Variants in CSMD2 observed in about 807,000 individuals in gnomAD.
CSMD2 encodes the protein CUB and sushi domain-containing protein 2.
In CSMD2, 130 loss-of-function variants were observed where a neutral mutation model predicts 398.5. That is an observed-to-expected ratio of 0.33 (90% CI 0.28 to 0.38). The LOEUF (loss-of-function observed/expected upper bound fraction) is 0.38. Ranked by LOEUF, CSMD2 falls within the 10% of genes least tolerant of loss-of-function variation. The pLI, the probability that CSMD2 is intolerant of heterozygous loss-of-function variation, is 1.00. For synonymous variants in CSMD2, 1,828 were observed against 1,908.5 expected (o/e 0.96, Z 1.10); for missense variants, 3,829 against 4,764.9 (o/e 0.80, Z 5.78).
chr1:33,550,407 A>C, intron 55 of CSMD2, 57 bp from the exon 56 acceptor site: 1 of 1,546,354 alleles, frequency 6.5e-7, no homozygotes, highest in Non-Finnish European at 8.9e-7. Context: ...TCACCATCAC[A>C]CAATCCATGC....
At chr1:34,032,483 A>G in intron 3 of CSMD2, 111 bp downstream of exon 3, 1 of 654,024 alleles carries the variant, frequency 1.5e-6, no homozygotes, top group Non-Finnish European at 2.5e-6. Flanking sequence ...GGACAGGCGC[A>G]AGCTCTGGGT....
intron 3 of CSMD2, among the ~76,000 whole-genome samples, chr1:33,939,037 G>A (rs951655215): frequency 3.3e-5 from 5 of 151,552 alleles, no homozygotes; most frequent in African/African-American, 1.2e-4. Context: ...GGTTTACTTG[G>A]CATTTCCCAT....
At chr1:34,084,533 G>GA (rs1160585099) in intron 2 of CSMD2, among the ~76,000 whole-genome samples, 3 of 151,926 alleles carry the variant, frequency 2.0e-5, no homozygotes, top group Non-Finnish European at 4.4e-5. Flanking sequence ...AAATTGACAA[G>GA]AAAAAAACAA....
At chr1:33,798,538 C>T (rs1655221520) in intron 10 of CSMD2, among the ~76,000 whole-genome samples, 1 of 152,188 alleles carries the variant, frequency 6.6e-6, no homozygotes, top group African/African-American at 2.4e-5. Context: ...GCCCAGGCTA[C>T]ACTGTGAGAA....
chr1:34,081,568 GC>G (rs1657137262), intron 2 of CSMD2, among the ~76,000 whole-genome samples: 1 of 152,096 alleles, frequency 6.6e-6, no homozygotes, highest in African/African-American at 2.4e-5. Context: ...GCAGGCGCGC[GC>G]CGCCACGCCT....
rs933047657 is a variant in CSMD2 at position 33,533,326 on chromosome 1, C to T, written c.9992-97G>A. 3.8e-5 allele frequency: 42 copies of T among 1,103,136 alleles called. No individual in the cohort carries two copies. In the Admixed American group the frequency reaches 9.8e-4, roughly 26 times the overall value. 68.3% of individuals were successfully genotyped at this position (1,103,136 alleles called of 1,614,324 possible). On this transcript the variant is annotated intron_variant, in intron 63 of 70. Coordinates refer to ENST00000373381, the MANE Select transcript of CSMD2 (RefSeq NM_001281956.2). This position sits in a 1 kb window ranked among gnomAD's most constrained non-coding sequence, Gnocchi z 4.2. ...TGTTCCTAGATAGAATATCCTCTTC[C>T]TTTCCCTTCCAGTCCCTTTCATGCC...
chr1:34,141,404 A>G (rs529642341), intron 1 of CSMD2, among the ~76,000 whole-genome samples: 115 of 152,248 alleles, frequency 7.6e-4, no homozygotes, highest in African/African-American at 2.6e-3. Flanking sequence ...GGGTGGTTCT[A>G]AGAACTATGA....
At chr1:33,726,426 C>T (rs1646531979) in intron 16 of CSMD2, 121 bp downstream of exon 16, 1 of 1,232,002 alleles carries the variant, frequency 8.1e-7, no homozygotes. Flanking sequence ...GTCCAGTGTT[C>T]TCCAACCTTG....
At chr1:33,644,056 C>A (rs959418114) in intron 29 of CSMD2, among the ~76,000 whole-genome samples, 1 of 152,144 alleles carries the variant, frequency 6.6e-6, no homozygotes, top group African/African-American at 2.4e-5. Context: ...ATGGGGGATA[C>A]GTCTGTAGGA....
intron 2 of CSMD2, among the ~76,000 whole-genome samples, chr1:34,051,575 A>G (rs1432948841): frequency 6.6e-6 from 1 of 152,090 alleles, no homozygotes; most frequent in African/African-American, 2.4e-5. Context: ...TAATAACTTT[A>G]TGTTATGGTA....
intron 12 of CSMD2, among the ~76,000 whole-genome samples, chr1:33,780,594 G>A (rs186594379): frequency 3.0e-4 from 46 of 152,312 alleles, no homozygotes; most frequent in Non-Finnish European, 4.3e-4. Flanking sequence ...AAAGCTTACC[G>A]TTTGCAAAAG....
intron 1 of CSMD2, among the ~76,000 whole-genome samples, chr1:34,128,761 G>A (rs1340701179): frequency 6.6e-6 from 1 of 152,190 alleles, no homozygotes; most frequent in East Asian, 1.9e-4. Context: ...CACAGAGCCT[G>A]AAGTGTAGTC....
intron 1 of CSMD2, among the ~76,000 whole-genome samples, chr1:34,147,333 T>G (rs1571264813): frequency 6.6e-6 from 1 of 151,976 alleles, no homozygotes; most frequent in Non-Finnish European, 1.5e-5. Context: ...GAAGCTCCAA[T>G]ATTAAAGCAA....
chr1:33,537,365 T>A lies in CSMD2; in HGVS notation c.9805+71A>T. 6.7e-7 allele frequency: 1 copy of A among 1,482,182 alleles called. No homozygotes were observed. The highest frequency in any genetic ancestry group is 1.4e-5 in the African/African-American group (1 of 71,406). The allele number at this position is 1,482,182 out of a possible 1,614,324, so 91.8% of individuals were successfully genotyped here. ...CACTGAAGACAGGGAAGGAAAGTAA[T>A]CATCTCAGGCCCAAAAGAAGGTCTC... is the stretch of plus-strand genomic sequence containing the variant. On this transcript the variant is annotated intron_variant, in intron 61 of 70. Transcript: ENST00000373381. The surrounding 1 kb of genome is among the most constrained non-coding windows in gnomAD (Gnocchi z 4.6).
At chr1:33,892,575 G>A (rs991184480) in intron 5 of CSMD2, among the ~76,000 whole-genome samples, 2 of 152,110 alleles carry the variant, frequency 1.3e-5, no homozygotes, top group African/African-American at 4.8e-5. Context: ...TACGGCATTT[G>A]GTTTTCCACT....
At chr1:33,914,441 C>T (rs1643622228) in intron 5 of CSMD2, among the ~76,000 whole-genome samples, 1 of 151,606 alleles carries the variant, frequency 6.6e-6, no homozygotes, top group African/African-American at 2.4e-5. Flanking sequence ...GGGCTGCACA[C>T]ATGTATGTGT....
intron 4 of CSMD2, among the ~76,000 whole-genome samples, chr1:33,920,826 G>C (rs1447280203): frequency 6.6e-6 from 1 of 152,224 alleles, no homozygotes; most frequent in Admixed American, 6.5e-5. Flanking sequence ...AATCCAGTGA[G>C]AGGTGATGGT....
At chr1:34,132,683 G>C (rs574601206) in intron 1 of CSMD2, among the ~76,000 whole-genome samples, 1 of 152,202 alleles carries the variant, frequency 6.6e-6, no homozygotes, top group African/African-American at 2.4e-5. Context: ...GAAATAGACA[G>C]AGAAGAGGCA....
intron 2 of CSMD2, among the ~76,000 whole-genome samples, chr1:34,087,745 C>G (rs532318109): frequency 1.1e-4 from 16 of 152,124 alleles, no homozygotes; most frequent in African/African-American, 3.9e-4. Context: ...GCCTGCCTCC[C>G]CATTAGCATG....
Sources: gnomAD v4.1 joint callset for allele counts (sites outside exome capture counted in the v4.1 genomes callset) on GRCh38, gnomAD v4.1.1 for gene constraint, Gnocchi (gnomAD v3.1) non-coding constraint, MANE v1.5 for transcripts, NCBI Gene and HGNC (gene_info 2026-07-23, HGNC 2026-07-21) for gene names.